Variants in PRDM2 observed in about 807,000 individuals in gnomAD.
PRDM2 encodes the protein PR domain zinc finger protein 2.
PRDM2 carries 30 observed loss-of-function variants against 130.0 expected under a neutral mutation model. The observed-to-expected ratio is 0.23, with a 90% CI of 0.17 to 0.31. PRDM2 has a LOEUF of 0.31. Among genes scored for constraint, PRDM2 ranks in the 10% least tolerant of loss-of-function variants. The pLI is 1.00. For synonymous variants in PRDM2, 871 were observed against 782.4 expected (o/e 1.11, Z -1.89); for missense variants, 2,011 against 2,108.4 (o/e 0.95, Z 0.90).
chr1:13,807,082 C>A (rs1476386370), intron 8 of PRDM2, among the ~76,000 whole-genome samples: 2 of 152,128 alleles, frequency 1.3e-5, no homozygotes, highest in East Asian at 3.9e-4. Flanking sequence ...GGATTTCTCC[C>A]TTATCCAAAA....
chr1:13,814,072 G>C (rs531270219), intron 8 of PRDM2, among the ~76,000 whole-genome samples: 1 of 152,316 alleles, frequency 6.6e-6, no homozygotes, highest in South Asian at 2.1e-4. Context: ...TCGTAGGGAG[G>C]GGACCTGCTC....
intron 8 of PRDM2, chr1:13,783,253 G>C (rs1408413496): frequency 4.3e-6 from 2 of 465,244 alleles, no homozygotes; most frequent in Non-Finnish European, 4.3e-6. Flanking sequence ...TTACAATCTT[G>C]TTTAATATTT....
chr1:13,778,506 A>G lies in PRDM2; in HGVS notation c.711A>G (p.Pro237=), dbSNP rs1207153264. Residue 237 remains proline (P), a synonymous_variant, in exon 8 of 10, where the codon CCA becomes CCG. Transcript: ENST00000311066. Reference sequence around the variant, plus strand: ...AGGTGGCCAGTCAGGAGGTGCCTCCAGAACTAGCAACCCCTGCCCCTGCCT... The same window carrying G: ...AGGTGGCCAGTCAGGAGGTGCCTCCGGAACTAGCAACCCCTGCCCCTGCCT... ...LQEVASQEVP[P]ELATPAPAWE... is the part of the protein sequence containing the mutation. The G allele has an allele frequency of 1.5e-5, 25 of 1,614,098 alleles. No homozygotes were observed. Among genetic ancestry groups the G allele is most frequent in the African/African-American group, 2.7e-5 (2 of 74,942 alleles).
chr1:13,820,078 G>A (rs1309266105), intron 9 of PRDM2, among the ~76,000 whole-genome samples: 3 of 152,170 alleles, frequency 2.0e-5, no homozygotes, highest in Non-Finnish European at 4.4e-5. Context: ...AAACTGACAC[G>A]GAGGGGCGTG....
chr1:13,819,777 G>A (rs914346928), intron 9 of PRDM2, among the ~76,000 whole-genome samples: 1 of 152,172 alleles, frequency 6.6e-6, no homozygotes, highest in Non-Finnish European at 1.5e-5. Flanking sequence ...GTGTCCTCAC[G>A]TGGCGGGGGC....
chr1:13,778,789 G>GAA lies in PRDM2; in HGVS notation c.995_996dup (p.Asp333LysfsTer6). 6.2e-7 allele frequency: 1 copy of GAA among 1,614,134 alleles called. No homozygotes were observed. Among genetic ancestry groups the GAA allele is most frequent in the Non-Finnish European group, 8.5e-7 (1 of 1,180,038 alleles). ...AAAAACAACTTCAGAAGAAACTCTT[G>GAA]AAGACTGCTCAGAGGTAACACCTGC... On this transcript the variant is annotated frameshift_variant, in exon 8 of 10. Coordinates refer to ENST00000311066, the MANE Select transcript of PRDM2 (RefSeq NM_001393986.1). LOFTEE classifies it high-confidence loss of function.
chr1:13,752,289 A>G (rs772060264), intron 6 of PRDM2, among the ~76,000 whole-genome samples: 8 of 152,238 alleles, frequency 5.3e-5, no homozygotes, highest in Non-Finnish European at 1.0e-4. Flanking sequence ...CCAAAGATGG[A>G]TATACATCAG....
chr1:13,739,662 C>A (rs1483903658), intron 4 of PRDM2, among the ~76,000 whole-genome samples: 1 of 152,180 alleles, frequency 6.6e-6, no homozygotes, highest in African/African-American at 2.4e-5. Flanking sequence ...AACCACACTT[C>A]TGTGAACATT....
chr1:13,732,461 G>A (rs1035642078), intron 3 of PRDM2, among the ~76,000 whole-genome samples: 6 of 152,108 alleles, frequency 3.9e-5, no homozygotes, highest in African/African-American at 1.4e-4. Context: ...TTCAGTTGTT[G>A]TGACTGTGTT....
chr1:13,783,334 T>C, intron 8 of PRDM2: 1 of 364,740 alleles, frequency 2.7e-6, no homozygotes, highest in Non-Finnish European at 5.4e-6. Context: ...TTTTAATAAT[T>C]GATTGCATCG....
intron 8 of PRDM2, among the ~76,000 whole-genome samples, chr1:13,795,088 C>G (rs1644902400): frequency 6.6e-6 from 1 of 152,228 alleles, no homozygotes; most frequent in Non-Finnish European, 1.5e-5. Context: ...CACCCCCTCC[C>G]TGTAACTTTC....
chr1:13,722,948 C>G (rs1642781583), intron 2 of PRDM2: 1 of 446,516 alleles, frequency 2.2e-6, no homozygotes, highest in Admixed American at 2.5e-5. Context: ...CATCTCGTCA[C>G]TCTCCTGCCC....
At position 13,749,127 on chromosome 1, in the gene PRDM2, C is replaced by T. The variant is rs1394901697; in HGVS notation, c.385-234C>T. On this transcript the variant is annotated intron_variant, in intron 5 of 9. Transcript: ENST00000311066. ...CGGGCTCCGCTACCCGTCACCGGGCCTTCCGCGCCCCTCGCCCCACGCCGC... is the reference window on the plus strand; with the variant it reads ...CGGGCTCCGCTACCCGTCACCGGGCTTTCCGCGCCCCTCGCCCCACGCCGC... Among the ~76,000 whole-genome samples the T allele has an allele frequency of 2.0e-5, 3 of 152,094 alleles. No individual in the cohort carries two copies. The South Asian group carries it at 6.2e-4, about 31-fold the overall frequency.
rs1557655275 is a variant in PRDM2, at chr1:13,782,564, A to G, written c.4769A>G (p.Lys1590Arg). 1.9e-6 allele frequency: 3 copies of G among 1,614,220 alleles called. No homozygotes were observed. Among genetic ancestry groups the G allele is most frequent in the East Asian group, 2.2e-5 (1 of 44,890 alleles). ...RMAKITHVEG[K>R]KPKAVAKNHS... Reference sequence around the variant, plus strand: ...GCCAAAATAACTCATGTTGAGGGGAAAAAACCTAAAGCTGTGGCCAAGAAT... The same window carrying G: ...GCCAAAATAACTCATGTTGAGGGGAGAAAACCTAAAGCTGTGGCCAAGAAT... The change falls in exon 8 of 10, where the codon AAA (lysine) becomes AGA (arginine). Residue 1590 changes from lysine to arginine, a missense_variant. This residue lies in a region of PRDM2 where 410 missense variants were observed against 395.9 expected (regional missense o/e 1.04). Transcript: ENST00000311066.
At chr1:13,772,948 C>A (rs1644390038) in intron 6 of PRDM2, 130 bp from the exon 7 acceptor site, 1 of 541,318 alleles carries the variant, frequency 1.8e-6, no homozygotes, top group Non-Finnish European at 3.2e-6. Flanking sequence ...TGGTAATTGC[C>A]CAGGAATATA....
At chr1:13,767,322 C>G (rs1231707510) in intron 6 of PRDM2, among the ~76,000 whole-genome samples, 1 of 151,436 alleles carries the variant, frequency 6.6e-6, no homozygotes, top group Non-Finnish European at 1.5e-5. Flanking sequence ...GTTTTTGAGA[C>G]AGTCTGTCGC....
At chr1:13,727,480 C>G (rs1361176035) in intron 2 of PRDM2, among the ~76,000 whole-genome samples, 2 of 152,136 alleles carry the variant, frequency 1.3e-5, no homozygotes, top group Non-Finnish European at 2.9e-5. Flanking sequence ...GTCTCGAACT[C>G]CTGACCTCAG....
At chr1:13,786,427 T>TA (rs1644741337) in intron 8 of PRDM2, 13 of 1,529,456 alleles carry the variant, frequency 8.5e-6, no homozygotes, top group Admixed American at 1.7e-5. Context: ...ACATTTGTCT[T>TA]ACGGTCTATT....
chr1:13,772,111 G>T (rs924599629), intron 6 of PRDM2: 3 of 152,216 alleles, frequency 2.0e-5, no homozygotes, highest in Admixed American at 6.5e-5. Context: ...GTGGAGGTTT[G>T]TCTGGGGGAG....
Sources: gnomAD v4.1 joint callset for allele counts (sites outside exome capture counted in the v4.1 genomes callset) on GRCh38, gnomAD v4.1.1 for gene constraint, gnomAD v4.1.1 regional missense constraint, MANE v1.5 for transcripts, NCBI Gene and HGNC (gene_info 2026-07-23, HGNC 2026-07-21) for gene names.